The following PCDH15 variants were observed in gnomAD, a reference collection of about 807,000 sequenced individuals.
The protein encoded by PCDH15 is protocadherin-15.
A neutral mutation model predicts 178.5 loss-of-function variants in PCDH15; 129 were observed. The ratio of observed to expected loss-of-function variants is 0.72; its 90% CI spans 0.63 to 0.84. PCDH15 has a LOEUF of 0.84. PCDH15 is among the 40% of genes least tolerant of loss of function. The pLI is 0.00. For synonymous variants in PCDH15, 800 were observed against 732.0 expected, an observed-to-expected ratio of 1.09 and a Z score of -1.50; for missense variants, 2,230 against 2,099.9, an observed-to-expected ratio of 1.06 and a Z score of -1.21.
chr10:55,589,758 A>G (rs1411532475), intron 2 of PCDH15, among the ~76,000 whole-genome samples: 1 of 149,664 alleles, frequency 6.7e-6, no homozygotes, highest in Admixed American at 6.6e-5. Context: ...CAAAACCACA[A>G]TGAGATACCA....
chr10:55,543,061 A>T (rs1207641769), intron 2 of PCDH15, among the ~76,000 whole-genome samples: 6 of 20,344 alleles, frequency 2.9e-4, no homozygotes, highest in Non-Finnish European at 3.5e-4. Flanking sequence ...AGACATATGT[A>T]TGTGTCTATA....
chr10:54,516,016 C>T (rs1189564510), intron 3 of PCDH15, among the ~76,000 whole-genome samples: 1 of 152,102 alleles, frequency 6.6e-6, no homozygotes, highest in South Asian at 2.1e-4. Context: ...TCATCAAAGA[C>T]CAAAAGCAGA....
chr10:55,384,448 G>C (rs1040446514), intron 2 of PCDH15, among the ~76,000 whole-genome samples: 22 of 152,078 alleles, frequency 1.4e-4, no homozygotes, highest in African/African-American at 4.8e-4. Flanking sequence ...ATGATGTTAT[G>C]ATAAGAAGAA....
intron 2 of PCDH15, among the ~76,000 whole-genome samples, chr10:55,620,313 T>TA (rs1843565789): frequency 1.3e-5 from 2 of 152,054 alleles, no homozygotes; most frequent in African/African-American, 2.4e-5. Context: ...AAACTATTTT[T>TA]TTTTTTGCAT....
chr10:54,092,062 C>A (rs951125302), intron 15 of PCDH15, among the ~76,000 whole-genome samples: 14 of 152,082 alleles, frequency 9.2e-5, no homozygotes, highest in African/African-American at 3.1e-4. Flanking sequence ...TCTTGACGTA[C>A]CTCAAAAAAT....
In PCDH15 at chr10:54,558,621, C is replaced by CA. The variant is rs549203774; in HGVS notation, c.92-30745_92-30744insT. 6.6e-5 allele frequency among the ~76,000 whole-genome samples: 10 copies of CA among 152,050 alleles called. No homozygotes were observed. The South Asian group carries it at 2.1e-3, about 32-fold the overall frequency. On this transcript the variant is annotated intron_variant, in intron 2 of 37. Transcript: ENST00000644397. ...TGTTTACTCTTACCTATTGTAGTAACTTCTATAACATTTAAATTTTATTAC... is the reference window on the plus strand; with the variant it reads ...TGTTTACTCTTACCTATTGTAGTAACATTCTATAACATTTAAATTTTATTAC...
At chr10:54,701,006 G>A (rs2095303161) in intron 1 of PCDH15, among the ~76,000 whole-genome samples, 1 of 152,090 alleles carries the variant, frequency 6.6e-6, no homozygotes, top group Non-Finnish European at 1.5e-5. Flanking sequence ...CAGGCAAACA[G>A]TGGATCTTTT....
At chr10:55,309,895 T>C (rs1843536320) in intron 1 of PCDH15, among the ~76,000 whole-genome samples, 1 of 152,198 alleles carries the variant, frequency 6.6e-6, no homozygotes, top group Non-Finnish European at 1.5e-5. Context: ...ATGACTGCTC[T>C]TCATGTTGCT....
chr10:54,388,070 T>C (rs756730391), intron 3 of PCDH15, among the ~76,000 whole-genome samples: 3 of 152,188 alleles, frequency 2.0e-5, no homozygotes, highest in Non-Finnish European at 4.4e-5. Context: ...TGCACAACTG[T>C]ATGAATATAC....
At chr10:55,392,938 T>C (rs371956447) in intron 2 of PCDH15, among the ~76,000 whole-genome samples, 1 of 151,842 alleles carries the variant, frequency 6.6e-6, no homozygotes, top group Non-Finnish European at 1.5e-5. Context: ...TTTTGAGAAA[T>C]CCATAGCATG....
chr10:55,118,195 T>C (rs1309202408), intron 2 of PCDH15, among the ~76,000 whole-genome samples: 2 of 152,132 alleles, frequency 1.3e-5, no homozygotes, highest in Non-Finnish European at 2.9e-5. Context: ...GGGAGCTCAG[T>C]AAAACCAGAC....
intron 18 of PCDH15, among the ~76,000 whole-genome samples, chr10:54,025,059 A>T (rs2093041322): frequency 1.3e-5 from 2 of 152,184 alleles, no homozygotes; most frequent in Admixed American, 1.3e-4. Context: ...CTCTTGTTCA[A>T]GTTGTTTTTA....
chr10:54,351,366 T>C (rs1209169249), intron 5 of PCDH15, among the ~76,000 whole-genome samples: 3 of 152,108 alleles, frequency 2.0e-5, no homozygotes. Context: ...TGAACTGAAA[T>C]AAATTTAAAA....
At chr10:54,559,485 G>A (rs2087765024) in intron 2 of PCDH15, among the ~76,000 whole-genome samples, 1 of 152,054 alleles carries the variant, frequency 6.6e-6, no homozygotes, top group African/African-American at 2.4e-5. Flanking sequence ...GTCTGAAAAT[G>A]TAAGTGCAAG....
At chr10:54,296,259 AG>A (rs1164566222) in intron 8 of PCDH15, among the ~76,000 whole-genome samples, 6 of 151,756 alleles carry the variant, frequency 4.0e-5, no homozygotes, top group Non-Finnish European at 8.8e-5. Flanking sequence ...CGGGGTTGGA[AG>A]CATTGATTTG....
chr10:54,243,280 C>T (rs1414168515), intron 8 of PCDH15, among the ~76,000 whole-genome samples: 2 of 152,144 alleles, frequency 1.3e-5, no homozygotes, highest in Non-Finnish European at 2.9e-5. Flanking sequence ...GAGGCCAAGG[C>T]GGGCAGATCA....
chr10:55,462,946 G>C (rs1398429603), intron 2 of PCDH15, among the ~76,000 whole-genome samples: 2 of 152,116 alleles, frequency 1.3e-5, no homozygotes, highest in East Asian at 3.9e-4. Flanking sequence ...TATTCTGATT[G>C]TGTATAAATG....
intron 2 of PCDH15, among the ~76,000 whole-genome samples, chr10:54,633,374 A>C: frequency 6.6e-6 from 1 of 152,230 alleles, no homozygotes; most frequent in Admixed American, 6.6e-5. Context: ...TCTTTTCAGA[A>C]GTTGCCCTAA....
intron 2 of PCDH15, among the ~76,000 whole-genome samples, chr10:55,141,779 G>A (rs999633745): frequency 3.9e-5 from 6 of 152,004 alleles, no homozygotes; most frequent in Non-Finnish European, 7.4e-5. Flanking sequence ...AAAAGGAAAT[G>A]CATTTGAACA....
Sources: gnomAD v4.1 joint callset for allele counts (sites outside exome capture counted in the v4.1 genomes callset) on GRCh38, gnomAD v4.1.1 for gene constraint, MANE v1.5 for transcripts, NCBI Gene and HGNC (gene_info 2026-07-23, HGNC 2026-07-21) for gene names.